NUP58: variants seen among roughly 807,000 people sequenced by gnomAD.
NUP58 encodes the protein nucleoporin 58.
A neutral mutation model predicts 70.1 loss-of-function variants in NUP58; 17 were observed. The ratio of observed to expected loss-of-function variants is 0.24; its 90% CI spans 0.17 to 0.36. The LOEUF is 0.36. NUP58 is among the 10% of genes least tolerant of loss of function. The pLI is 1.00. For synonymous variants in NUP58, 275 were observed against 257.6 expected, an observed-to-expected ratio of 1.07 and a Z score of -0.65; for missense variants, 644 against 701.5, an observed-to-expected ratio of 0.92 and a Z score of 0.93.
chr13:25,315,404 A>G lies in NUP58; in HGVS notation c.622A>G (p.Thr208Ala), dbSNP rs1481462465. The G allele has an allele frequency of 8.1e-6, 13 of 1,613,998 alleles. No individual in the cohort carries two copies. Among genetic ancestry groups the G allele is most frequent in the East Asian group, 2.2e-5 (1 of 44,844 alleles). The change falls in exon 6 of 16, where the codon ACT (threonine) becomes GCT (alanine). Residue 208 changes from threonine to alanine, a missense_variant. Physicochemically the swap from Thr to Ala is moderately conservative, Grantham distance 58. Coordinates refer to ENST00000381736, the MANE Select transcript of NUP58 (RefSeq NM_014089.4). Reference sequence around the variant, plus strand: ...GTTGACTTTGGGAACTACAGCAGCTACTTCAACTGCAGGCAATGAAGGCCT... The same window carrying G: ...GTTGACTTTGGGAACTACAGCAGCTGCTTCAACTGCAGGCAATGAAGGCCT... ...LGLTLGTTAA[T>A]STAGNEGLGG... is the part of the protein sequence containing the mutation.
At chr13:25,334,898 A>T in intron 13 of NUP58, 1 of 984,756 alleles carries the variant, frequency 1.0e-6, no homozygotes, top group Non-Finnish European at 1.2e-6. Context: ...CTACAAACTT[A>T]ATTTTATTTA....
intron 10 of NUP58, 58 bp downstream of exon 10, chr13:25,325,126 A>C (rs540897913): frequency 8.4e-7 from 1 of 1,184,262 alleles, no homozygotes; most frequent in African/African-American, 1.5e-5. Context: ...CAGAACAGTA[A>C]TAATAGTATA....
At chr13:25,339,849 T>G in intron 15 of NUP58, 116 bp from the exon 16 acceptor site, 1 of 879,142 alleles carries the variant, frequency 1.1e-6, no homozygotes, top group South Asian at 1.9e-5. Flanking sequence ...TTAATATATT[T>G]GCTATTCTTA....
rs539244859 is a variant in NUP58 at position 25,323,140 on chromosome 13, T to A, written c.952-1849T>A. Among the ~76,000 whole-genome samples the A allele has an allele frequency of 2.6e-5, 4 of 151,896 alleles. No individual in the cohort carries two copies. In the South Asian group the frequency reaches 8.3e-4, roughly 32 times the overall value. ...CAAAGGTACTAAAAGTCTAGTAGGG[T>A]GAATGAAATAATAAAAGATTGAGAA... On this transcript the variant is annotated intron_variant, in intron 9 of 15. Coordinates refer to ENST00000381736, the MANE Select transcript of NUP58 (RefSeq NM_014089.4).
intron 2 of NUP58, 25 bp from the exon 3 acceptor site, chr13:25,309,222 A>C (rs760722776): frequency 6.4e-7 from 1 of 1,572,758 alleles, no homozygotes; most frequent in South Asian, 1.1e-5. Flanking sequence ...TGATGATTAA[A>C]TTTTATTTCT....
At chr13:25,312,659 T>C (rs936277781) in intron 3 of NUP58, among the ~76,000 whole-genome samples, 55 of 152,236 alleles carry the variant, frequency 3.6e-4, no homozygotes, top group Non-Finnish European at 2.5e-4. Flanking sequence ...TGAGCCACTG[T>C]ACCTGGCCAT....
chr13:25,306,231 C>A (rs1326925275), intron 1 of NUP58, among the ~76,000 whole-genome samples: 1 of 151,918 alleles, frequency 6.6e-6, no homozygotes, highest in African/African-American at 2.4e-5. Flanking sequence ...TGGTGAAACC[C>A]TGTCTCTAGT....
chr13:25,304,790 A>C lies in NUP58; in HGVS notation c.107+2910A>C, dbSNP rs1593172069. 2.0e-5 allele frequency among the ~76,000 whole-genome samples: 3 copies of C among 151,798 alleles called. No individual in the cohort carries two copies. In the East Asian group the frequency reaches 5.8e-4, roughly 29 times the overall value. On this transcript the variant is annotated intron_variant, in intron 1 of 15. Coordinates refer to ENST00000381736, the MANE Select transcript of NUP58 (RefSeq NM_014089.4). The stretch of plus-strand genomic sequence containing the variant: ...GGTGATCCATCCACCTTGGCATCCC[A>C]AGGTGCTGGGATTACAGGCGTGAGC...
At chr13:25,339,115 G>C (rs2031878417) in intron 15 of NUP58, among the ~76,000 whole-genome samples, 1 of 152,062 alleles carries the variant, frequency 6.6e-6, no homozygotes, top group Non-Finnish European at 1.5e-5. Context: ...CTATTCCAGG[G>C]TCCCTCTGGT....
chr13:25,306,885 A>G (rs2030388895), intron 1 of NUP58, among the ~76,000 whole-genome samples: 1 of 152,066 alleles, frequency 6.6e-6, no homozygotes, highest in Non-Finnish European at 1.5e-5. Context: ...AGTTTCTGTT[A>G]ATGAATACAT....
chr13:25,321,925 T>C (rs1180746653), intron 9 of NUP58, among the ~76,000 whole-genome samples: 2 of 152,096 alleles, frequency 1.3e-5, no homozygotes, highest in African/African-American at 2.4e-5. Context: ...CTCAAAAAAA[T>C]ACAAATAAAA....
intron 13 of NUP58, chr13:25,334,004 G>C (rs780146348): frequency 2.1e-5 from 21 of 985,310 alleles, no homozygotes; most frequent in Non-Finnish European, 2.5e-5. Flanking sequence ...CTCAGAGGAG[G>C]AGGAATAGAC....
At chr13:25,346,565 C>CA (rs1326542435), downstream of NUP58, among the ~76,000 whole-genome samples, 2 of 151,844 alleles carry the variant, frequency 1.3e-5, no homozygotes, top group African/African-American at 2.4e-5. Flanking sequence ...ACTAAAAATA[C>CA]AAAAATTAGC....
chr13:25,309,107 A>G, intron 2 of NUP58, 140 bp from the exon 3 acceptor site: 1 of 632,010 alleles, frequency 1.6e-6, no homozygotes, highest in Non-Finnish European at 2.8e-6. Flanking sequence ...GATTAGTGGC[A>G]GATACTATGA....
intron 1 of NUP58, among the ~76,000 whole-genome samples, chr13:25,304,004 G>GTGCC (rs1160796826): frequency 6.6e-6 from 1 of 152,204 alleles, no homozygotes; most frequent in Non-Finnish European, 1.5e-5. Flanking sequence ...ACAGCCCCTA[G>GTGCC]TGCCACCTAG....
intron 6 of NUP58, among the ~76,000 whole-genome samples, chr13:25,318,727 G>GA (rs1203136401): frequency 6.6e-6 from 1 of 152,102 alleles, no homozygotes; most frequent in Non-Finnish European, 1.5e-5. Flanking sequence ...AACTGGCAAG[G>GA]TTTTTTATAA....
chr13:25,333,663 C>A, intron 13 of NUP58: 1 of 985,292 alleles, frequency 1.0e-6, no homozygotes, highest in Non-Finnish European at 1.2e-6. Context: ...GTCATGTCAC[C>A]ATGATGTGAG....
intron 3 of NUP58, among the ~76,000 whole-genome samples, chr13:25,349,301 C>T (rs2137858361): frequency 6.6e-6 from 1 of 152,288 alleles, no homozygotes; most frequent in Non-Finnish European, 1.5e-5. Context: ...CCCTGTTGAT[C>T]TTTCTCCATA....
chr13:25,327,606 G>A, intron 12 of NUP58, 94 bp downstream of exon 12: 4 of 704,398 alleles, frequency 5.7e-6, no homozygotes, highest in East Asian at 2.7e-5. Flanking sequence ...TACAGAAATA[G>A]CTAAAATTAC....
Sources: gnomAD v4.1 joint callset for allele counts (sites outside exome capture counted in the v4.1 genomes callset) on GRCh38, gnomAD v4.1.1 for gene constraint, MANE v1.5 for transcripts, NCBI Gene and HGNC (gene_info 2026-07-23, HGNC 2026-07-21) for gene names.